The following STAG1 variants were observed in gnomAD, a reference collection of about 807,000 sequenced individuals.
STAG1 encodes cohesin subunit SA-1.
Under a neutral mutation model 170.9 loss-of-function variants are expected in STAG1, and 26 were observed. That is an observed-to-expected ratio of 0.15 (90% CI 0.11 to 0.21). The LOEUF (loss-of-function observed/expected upper bound fraction) is 0.21, where lower values mean the gene tolerates loss of function less well. Among genes scored for constraint, STAG1 ranks in the 10% least tolerant of loss-of-function variants. The pLI, the probability that STAG1 is intolerant of heterozygous loss-of-function variation, is 1.00. For synonymous variants in STAG1, 514 were observed against 497.7 expected (o/e 1.03, Z -0.44); for missense variants, 964 against 1,509.5 (o/e 0.64, Z 5.99).
chr3:136,465,063 A>G lies in STAG1; in HGVS notation c.1206-75T>C, dbSNP rs571057309. On this transcript the variant is annotated intron_variant, in intron 12 of 33. Coordinates refer to ENST00000383202, the MANE Select transcript of STAG1 (RefSeq NM_005862.3). The stretch of plus-strand genomic sequence containing the variant: ...CTTTCTACTTTTATTTAAACTTGCT[A>G]AAGTTCATTATAAAGCTCAAGACTT... The G allele has an allele frequency of 1.6e-4, 177 of 1,097,110 alleles. No homozygotes were observed. In the African/African-American group the frequency reaches 2.4e-3, roughly 15 times the overall value. 68.0% of individuals were successfully genotyped at this position (1,097,110 alleles called of 1,614,324 possible). A position where few individuals can be genotyped will look rare whatever the true frequency, so the allele number is the denominator to read the frequency against.
At chr3:136,700,411 ACTT>A (rs533570001) in intron 1 of STAG1, among the ~76,000 whole-genome samples, 134 of 150,840 alleles carry the variant, frequency 8.9e-4, no homozygotes, top group African/African-American at 2.5e-3. Context: ...CAACTAAATT[ACTT>A]CTTCTTTTTT....
chr3:136,751,727 G>A (rs1195882606), intron 1 of STAG1, among the ~76,000 whole-genome samples: 3 of 151,886 alleles, frequency 2.0e-5, no homozygotes, highest in East Asian at 1.9e-4. Flanking sequence ...AGAAACGCAG[G>A]TCGGCAGGCG....
At chr3:136,443,946 G>C (rs534587594) in intron 14 of STAG1, among the ~76,000 whole-genome samples, 1 of 151,992 alleles carries the variant, frequency 6.6e-6, no homozygotes, top group Middle Eastern at 3.4e-3. Context: ...ATTTTCTGTT[G>C]GTCATTATTC....
intron 9 of STAG1, among the ~76,000 whole-genome samples, chr3:136,491,588 C>A (rs2090125996): frequency 6.6e-6 from 1 of 152,120 alleles, no homozygotes; most frequent in South Asian, 2.1e-4. Flanking sequence ...AGTACAGTTT[C>A]CCAAATTCTA....
intron 4 of STAG1, among the ~76,000 whole-genome samples, chr3:136,583,081 T>C (rs961944488): frequency 1.3e-5 from 2 of 152,176 alleles, no homozygotes; most frequent in African/African-American, 2.4e-5. Context: ...ACTAAGTCAA[T>C]ATTGAAATGA....
chr3:136,637,941 A>G (rs1940637618), intron 1 of STAG1, among the ~76,000 whole-genome samples: 1 of 151,080 alleles, frequency 6.6e-6, no homozygotes, highest in Non-Finnish European at 1.5e-5. Context: ...GGAGCAATTC[A>G]TAGCTCCCTG....
intron 5 of STAG1, among the ~76,000 whole-genome samples, chr3:136,565,225 A>C (rs189432930): frequency 2.6e-5 from 4 of 152,260 alleles, no homozygotes; most frequent in Admixed American, 6.5e-5. Context: ...GCACCAAAAA[A>C]CATCATTAAG....
intron 4 of STAG1, among the ~76,000 whole-genome samples, chr3:136,600,858 GTTTGTTTGTTTGT>G (rs963810357): frequency 1.1e-4 from 11 of 102,284 alleles, no homozygotes; most frequent in African/African-American, 4.7e-4. Context: ...TCTTGTTGTT[GTTTGTTTGTTTGT>G]TTTGTTTTGT....
chr3:136,352,435 T>C lies in STAG1; in HGVS notation c.3066-3072A>G, dbSNP rs375812886. Among the ~76,000 whole-genome samples, 3 of 152,222 alleles carry C rather than the reference T, an allele frequency of 2.0e-5. No individual in the cohort carries two copies. In the South Asian group the frequency reaches 6.2e-4, roughly 32 times the overall value. On this transcript the variant is annotated intron_variant, in intron 28 of 33. Transcript: ENST00000383202. ...TTGGCCTCCCAAAGTGCTGGGATTA[T>C]AGGTGTGAGCCACAGCGCCTGGCCA...
intron 6 of STAG1, among the ~76,000 whole-genome samples, chr3:136,529,861 C>G (rs772144093): frequency 6.6e-6 from 1 of 152,098 alleles, no homozygotes; most frequent in Non-Finnish European, 1.5e-5. Flanking sequence ...ACAATTAACA[C>G]TATGACAGGA....
chr3:136,611,395 CG>C, intron 3 of STAG1, among the ~76,000 whole-genome samples: 1 of 151,706 alleles, frequency 6.6e-6, no homozygotes, highest in Admixed American at 6.6e-5. Context: ...GTGATCCGCC[CG>C]CCTCAGCCTC....
intron 22 of STAG1, among the ~76,000 whole-genome samples, chr3:136,391,568 G>T (rs527847970): frequency 7.9e-5 from 12 of 152,024 alleles, no homozygotes; most frequent in African/African-American, 2.9e-4. Flanking sequence ...GTAGAGACAG[G>T]GTTTCACCAT....
intron 1 of STAG1, among the ~76,000 whole-genome samples, chr3:136,699,645 C>T (rs769741782): frequency 6.6e-6 from 1 of 151,760 alleles, no homozygotes; most frequent in Admixed American, 6.6e-5. Context: ...GAGGTAGAGG[C>T]CATTGTTCTA....
intron 15 of STAG1, among the ~76,000 whole-genome samples, chr3:136,438,334 T>A (rs1050076887): frequency 6.7e-6 from 1 of 148,668 alleles, no homozygotes; most frequent in Non-Finnish European, 1.5e-5. Flanking sequence ...GTGATTCTCC[T>A]GCCTCAGTCT....
chr3:136,705,525 C>T (rs1268393269), intron 1 of STAG1, among the ~76,000 whole-genome samples: 1 of 151,858 alleles, frequency 6.6e-6, no homozygotes, highest in Non-Finnish European at 1.5e-5. Context: ...TCCCATAATT[C>T]CCATGTATTG....
chr3:136,631,578 T>C (rs142963175), intron 1 of STAG1, among the ~76,000 whole-genome samples: 3 of 152,252 alleles, frequency 2.0e-5, no homozygotes, highest in Non-Finnish European at 2.9e-5. Flanking sequence ...GACTTGTCAA[T>C]ATAGGTTGAT....
intron 1 of STAG1, among the ~76,000 whole-genome samples, chr3:136,733,410 T>C (rs1440046342): frequency 2.6e-5 from 4 of 152,076 alleles, no homozygotes; most frequent in Non-Finnish European, 4.4e-5. Context: ...TAACGCACAC[T>C]GACAGGGAGA....
intron 23 of STAG1, among the ~76,000 whole-genome samples, chr3:136,374,568 G>C (rs938679968): frequency 1.3e-4 from 19 of 151,422 alleles, no homozygotes; most frequent in African/African-American, 4.4e-4. Context: ...GGTGACCCGA[G>C]AATGTGCCAC....
intron 22 of STAG1, among the ~76,000 whole-genome samples, chr3:136,390,055 A>T (rs2086968814): frequency 1.3e-5 from 2 of 150,948 alleles, no homozygotes; most frequent in African/African-American, 4.9e-5. Context: ...CTGCTCTTGA[A>T]CTCCTGACCT....
Sources: allele counts gnomAD v4.1 joint callset (sites outside exome capture counted in the v4.1 genomes callset), GRCh38; gene constraint gnomAD v4.1.1; transcripts MANE v1.5; gene names NCBI Gene and HGNC (gene_info 2026-07-23, HGNC 2026-07-21).